Variants in RSPH14 observed in about 807,000 individuals in gnomAD.
RSPH14 encodes the protein radial spoke head 14 homolog.
Under a neutral mutation model 26.7 loss-of-function variants are expected in RSPH14, and 20 were observed. That is an observed-to-expected ratio of 0.75 (90% CI 0.53 to 1.09). RSPH14 has a LOEUF of 1.09. Among genes scored for constraint, RSPH14 ranks in the 50% least tolerant of loss-of-function variants. RSPH14 has a pLI of 0.00. For synonymous variants in RSPH14, 177 were observed against 189.3 expected, an observed-to-expected ratio of 0.93 and a Z score of 0.53; for missense variants, 449 against 457.2, an observed-to-expected ratio of 0.98 and a Z score of 0.16.
chr22:23,111,021 G>C (rs533475674), intron 4 of RSPH14, among the ~76,000 whole-genome samples: 28 of 152,306 alleles, frequency 1.8e-4, no homozygotes, highest in African/African-American at 6.5e-4. Context: ...GAGCCACTTC[G>C]AATGAGGGGG....
intron 4 of RSPH14, among the ~76,000 whole-genome samples, chr22:23,088,759 T>C (rs2068884471): frequency 1.3e-5 from 2 of 152,134 alleles, no homozygotes; most frequent in Non-Finnish European, 2.9e-5. Context: ...TCAGGGTGTG[T>C]GGTAGGTATC....
the RSPH14 span, among the ~76,000 whole-genome samples, chr22:23,177,867 T>A: frequency 1.3e-5 from 2 of 152,208 alleles, no homozygotes; most frequent in Non-Finnish European, 2.9e-5. Flanking sequence ...GGCGTGATCC[T>A]AGCTCACTGA....
chr22:23,160,012 G>A, the RSPH14 span, among the ~76,000 whole-genome samples: 45 of 152,320 alleles, frequency 3.0e-4, no homozygotes, highest in African/African-American at 1.0e-3. Context: ...GCAAACACAG[G>A]TTGTTGGGGG....
chr22:23,120,628 C>G (rs1484830544), intron 4 of RSPH14, among the ~76,000 whole-genome samples: 1 of 152,156 alleles, frequency 6.6e-6, no homozygotes, highest in Non-Finnish European at 1.5e-5. Context: ...CTCAGAGAGG[C>G]AGACCCAGGC....
chr22:23,083,746 G>T (rs2068739110), intron 4 of RSPH14, among the ~76,000 whole-genome samples: 1 of 152,196 alleles, frequency 6.6e-6, no homozygotes, highest in Admixed American at 6.5e-5. Context: ...AGTTTGTGGG[G>T]CATCCCTTCC....
the RSPH14 span, among the ~76,000 whole-genome samples, chr22:23,169,211 CAA>C: frequency 6.6e-6 from 1 of 152,236 alleles, no homozygotes; most frequent in African/African-American, 2.4e-5. Context: ...TCTCACTGGA[CAA>C]AGATGGCCCT....
At chr22:23,127,027 G>A (rs2070200744) in intron 4 of RSPH14, among the ~76,000 whole-genome samples, 1 of 152,196 alleles carries the variant, frequency 6.6e-6, no homozygotes. Context: ...CAGGAGAGGC[G>A]ATGACTTATC....
chr22:23,138,851 A>G lies in RSPH14; in HGVS notation c.291T>C (p.His97=). ...GAACAGCATCCCACCTGCCCACGCT[A>G]TGGCTTGCCGTGATGTGGAGCACCT... ...TTEVLHITAS[H]SVGRYAFLEH... is the part of the protein sequence containing the mutation. The change falls in exon 3 of 7, where the codon CAT becomes CAC. Residue 97 remains histidine (H), a synonymous_variant. Transcript: ENST00000216036. The G allele has an allele frequency of 6.4e-7, 1 of 1,551,154 alleles. No individual in the cohort carries two copies. Among genetic ancestry groups the G allele is most frequent in the African/African-American group, 1.4e-5 (1 of 73,052 alleles).
intron 4 of RSPH14, among the ~76,000 whole-genome samples, chr22:23,093,089 G>A (rs561039299): frequency 1.3e-5 from 2 of 152,346 alleles, no homozygotes; most frequent in Non-Finnish European, 2.9e-5. Context: ...ATGCGCTCAT[G>A]GTTCGTGTGC....
At chr22:23,096,431 G>A (rs6003504) in intron 4 of RSPH14, 61 of 1,587,340 alleles carry the variant, frequency 3.8e-5, no homozygotes, top group African/African-American at 3.2e-4. Context: ...AAGTGGGGCC[G>A]GGGGTTTTCC....
chr22:23,130,080 A>AAAGAAAGG, intron 4 of RSPH14, among the ~76,000 whole-genome samples: 1 of 29,332 alleles, frequency 3.4e-5, no homozygotes, highest in African/African-American at 1.9e-4. Context: ...AGAAAGAAAG[A>AAAGAAAGG]AAGGAAGAAA....
intron 4 of RSPH14, among the ~76,000 whole-genome samples, chr22:23,113,876 G>C (rs2069732023): frequency 6.6e-6 from 1 of 152,240 alleles, no homozygotes; most frequent in Admixed American, 6.5e-5. Flanking sequence ...TGCCAGCCAA[G>C]GGCAGGCACC....
At chr22:23,161,650 C>T in the RSPH14 span, 3 of 1,213,520 alleles carry the variant, frequency 2.5e-6, no homozygotes, top group Non-Finnish European at 3.5e-6. Flanking sequence ...GGAGCCCAAG[C>T]TCTGCAGCGT....
chr22:23,086,540 C>T (rs1437616093), intron 4 of RSPH14, among the ~76,000 whole-genome samples: 3 of 152,196 alleles, frequency 2.0e-5, no homozygotes, highest in African/African-American at 7.2e-5. Flanking sequence ...AGCAGGCACA[C>T]TATAGTTGAG....
At chr22:23,112,311 C>G (rs1439728455) in intron 4 of RSPH14, among the ~76,000 whole-genome samples, 1 of 152,240 alleles carries the variant, frequency 6.6e-6, no homozygotes, top group Non-Finnish European at 1.5e-5. Flanking sequence ...TCGGCCCCGC[C>G]CCAAGCACAC....
intron 4 of RSPH14, among the ~76,000 whole-genome samples, chr22:23,109,206 G>T (rs2069572499): frequency 6.6e-6 from 1 of 152,160 alleles, no homozygotes; most frequent in South Asian, 2.1e-4. Flanking sequence ...CGAGCCTCTG[G>T]GGTAAGGTAG....
intron 5 of RSPH14, among the ~76,000 whole-genome samples, chr22:23,063,543 C>T (rs1049377867): frequency 2.0e-5 from 3 of 152,312 alleles, no homozygotes; most frequent in South Asian, 2.1e-4. Flanking sequence ...CCTGGAGGGT[C>T]GCCTAAATGT....
At chr22:23,066,108 T>C (rs1388479479) in intron 4 of RSPH14, among the ~76,000 whole-genome samples, 1 of 152,112 alleles carries the variant, frequency 6.6e-6, no homozygotes, top group Non-Finnish European at 1.5e-5. Flanking sequence ...AATTTGACCT[T>C]CTGTTAATTT....
chr22:23,180,022 T>G, the RSPH14 span: 6 of 365,652 alleles, frequency 1.6e-5, no homozygotes, highest in Non-Finnish European at 2.5e-5. Flanking sequence ...GCAGTGCCGG[T>G]GACGCTTATG....
Sources: allele counts gnomAD v4.1 joint callset (sites outside exome capture counted in the v4.1 genomes callset), GRCh38; gene constraint gnomAD v4.1.1; transcripts MANE v1.5; gene names NCBI Gene and HGNC (gene_info 2026-07-23, HGNC 2026-07-21).